The following FOLH1 variants were observed in gnomAD, a reference collection of about 807,000 sequenced individuals.
FOLH1 encodes glutamate carboxypeptidase 2.
In FOLH1, 54 loss-of-function variants were observed where a neutral mutation model predicts 93.9. The ratio of observed to expected loss-of-function variants is 0.57; its 90% CI spans 0.46 to 0.72. The LOEUF (loss-of-function observed/expected upper bound fraction) is 0.72. Among genes scored for constraint, FOLH1 ranks in the 30% least tolerant of loss-of-function variants. The pLI is 0.00. For missense variants in FOLH1, 571 were observed against 892.5 expected (o/e 0.64, Z 4.59); for synonymous variants, 249 against 303.6 (o/e 0.82, Z 1.87).
chr11:49,160,888 A>G (rs1857623308), intron 13 of FOLH1, among the ~76,000 whole-genome samples: 1 of 152,168 alleles, frequency 6.6e-6, no homozygotes, highest in Non-Finnish European at 1.5e-5. Context: ...TTATCTCATT[A>G]TATACCCACA....
chr11:49,174,798 T>C (rs1479332562), intron 9 of FOLH1, 94 bp downstream of exon 9: 11 of 1,056,106 alleles, frequency 1.0e-5, no homozygotes, highest in Non-Finnish European at 5.5e-6. Context: ...TGTTTGTTTG[T>C]TTGTTTTGAT....
Position 49,208,428 on chromosome 11 carries a change from G to C in FOLH1, c.-19C>G. On this transcript the variant is annotated 5_prime_UTR_variant, in exon 1 of 19. Coordinates refer to ENST00000256999, the MANE Select transcript of FOLH1 (RefSeq NM_004476.3). ...TCCACATCTCGGCGCGAGCAGAGCC[G>C]GCCTCCCGGGACCCGCGCCTGTGCT... 6.4e-7 allele frequency: 1 copy of C among 1,555,876 alleles called. No homozygotes were observed. The highest frequency in any genetic ancestry group is 8.8e-7 in the Non-Finnish European group (1 of 1,140,590).
At chr11:49,163,856 C>T (rs1432873347) in intron 13 of FOLH1, among the ~76,000 whole-genome samples, 2 of 152,028 alleles carry the variant, frequency 1.3e-5, no homozygotes, top group Admixed American at 6.6e-5. Context: ...ATCTGCTGAC[C>T]TAAGCGTTGC....
rs1045952205 is a variant in FOLH1 at position 49,206,816 on chromosome 11, G to T, written c.119-644C>A. ...CAGACACCCAGTGCACGCATAGGCG[G>T]CCAGAAACAATGGATAGCTAGATCC... On this transcript the variant is annotated intron_variant, in intron 1 of 18. Transcript: ENST00000256999. 2.0e-6 allele frequency: 3 copies of T among 1,533,976 alleles called. No individual in the cohort carries two copies. The African/African-American group carries it at 4.1e-5, about 21-fold the overall frequency.
At position 49,145,203 on chromosome 11, in the gene FOLH1, A is replaced by G. The variant is rs1044039519; in HGVS notation, c.*1553T>C. Among the ~76,000 whole-genome samples the G allele has an allele frequency of 2.6e-5, 4 of 152,182 alleles. No homozygotes were observed. On this transcript the variant is annotated 3_prime_UTR_variant, in exon 19 of 19. Transcript: ENST00000256999. The stretch of plus-strand genomic sequence containing the variant: ...ATAAATAGATCTGGGCCCATTAAAT[A>G]GTTCTTCTTTGTCACGTGTTAATGA...
intron 2 of FOLH1, among the ~76,000 whole-genome samples, chr11:49,200,814 A>T (rs1187929699): frequency 6.6e-6 from 1 of 152,190 alleles, no homozygotes; most frequent in Non-Finnish European, 1.5e-5. Flanking sequence ...TTTATCCAAA[A>T]GATCAAGGTG....
intron 13 of FOLH1, among the ~76,000 whole-genome samples, chr11:49,163,791 C>T (rs1858045329): frequency 6.6e-6 from 1 of 152,060 alleles, no homozygotes; most frequent in Non-Finnish European, 1.5e-5. Flanking sequence ...TCTGCTAAGA[C>T]TCCATGCACC....
At chr11:49,207,642 G>A (rs931785630) in intron 1 of FOLH1, 1 of 321,016 alleles carries the variant, frequency 3.1e-6, no homozygotes, top group African/African-American at 2.2e-5. Flanking sequence ...ATAATTTGCA[G>A]ATAATATTAT....
chr11:49,163,776 G>A (rs1448060545), intron 13 of FOLH1, among the ~76,000 whole-genome samples: 2 of 152,018 alleles, frequency 1.3e-5, no homozygotes, highest in Non-Finnish European at 2.9e-5. Flanking sequence ...TGCCTGAGTG[G>A]CTGTTCTGCT....
At chr11:49,156,276 G>T (rs1276137988) in intron 15 of FOLH1, among the ~76,000 whole-genome samples, 1 of 151,976 alleles carries the variant, frequency 6.6e-6, no homozygotes, top group Non-Finnish European at 1.5e-5. Flanking sequence ...TTTGTTTAAT[G>T]ACTTGTTATT....
chr11:49,176,443 C>T (rs2634270), intron 7 of FOLH1, among the ~76,000 whole-genome samples: 3 of 152,164 alleles, frequency 2.0e-5, no homozygotes, highest in Admixed American at 1.3e-4. Flanking sequence ...AAAAGCTTCA[C>T]GCTATTTTTT....
At chr11:49,193,775 AT>A (rs1862319768) in intron 3 of FOLH1, among the ~76,000 whole-genome samples, 1 of 152,226 alleles carries the variant, frequency 6.6e-6, no homozygotes, top group Admixed American at 6.5e-5. Flanking sequence ...ATCAAAGCCT[AT>A]GGCCCCATGA....
At chr11:49,164,648 T>C in intron 13 of FOLH1, 57 bp downstream of exon 13, 1 of 1,243,096 alleles carries the variant, frequency 8.0e-7, no homozygotes, top group South Asian at 1.3e-5. Context: ...ACATAATACC[T>C]CAAGAAAACA....
chr11:49,154,630 C>G (rs1856820024), intron 15 of FOLH1, 138 bp from the exon 16 acceptor site: 1 of 1,453,412 alleles, frequency 6.9e-7, no homozygotes, highest in African/African-American at 1.4e-5. Context: ...TAAGCTACAT[C>G]CTAAATGGCT....
chr11:49,151,427 CAG>C (rs1317477650), intron 17 of FOLH1, among the ~76,000 whole-genome samples: 1 of 141,546 alleles, frequency 7.1e-6, no homozygotes, highest in Non-Finnish European at 1.5e-5. Flanking sequence ...CACACACACA[CAG>C]ACACACACAC....
At chr11:49,193,985 G>A (rs773019358) in intron 3 of FOLH1, among the ~76,000 whole-genome samples, 5 of 150,490 alleles carry the variant, frequency 3.3e-5, no homozygotes, top group Non-Finnish European at 7.4e-5. Flanking sequence ...TGGTGAAACC[G>A]CGTCTCTACT....
intron 3 of FOLH1, among the ~76,000 whole-genome samples, chr11:49,199,559 G>A (rs1428110917): frequency 6.6e-6 from 1 of 152,086 alleles, no homozygotes; most frequent in South Asian, 2.1e-4. Context: ...TACTGGATCC[G>A]TGCATTTCCC....
At chr11:49,172,537 A>AAAT (rs1856172390) in intron 10 of FOLH1, among the ~76,000 whole-genome samples, 1 of 152,170 alleles carries the variant, frequency 6.6e-6, no homozygotes, top group African/African-American at 2.4e-5. Context: ...GAAGATAAGT[A>AAAT]AATATGTCTT....
chr11:49,172,344 G>T (rs1859436175), intron 10 of FOLH1, among the ~76,000 whole-genome samples: 1 of 152,068 alleles, frequency 6.6e-6, no homozygotes, highest in Non-Finnish European at 1.5e-5. Flanking sequence ...TAAGATAGCT[G>T]TGTAGAAAAA....
Sources: allele counts gnomAD v4.1 joint callset (sites outside exome capture counted in the v4.1 genomes callset), GRCh38; gene constraint gnomAD v4.1.1; transcripts MANE v1.5; gene names NCBI Gene and HGNC (gene_info 2026-07-23, HGNC 2026-07-21).